WASF3: variants seen among roughly 807,000 people sequenced by gnomAD.
WASF3 encodes WASP family member 3, also known as actin-binding protein WASF3.
Under a neutral mutation model 46.6 loss-of-function variants are expected in WASF3, and 11 were observed. The ratio of observed to expected loss-of-function variants is 0.24; its 90% CI spans 0.15 to 0.39. The LOEUF is 0.39. Ranked by LOEUF, WASF3 falls within the 10% of genes least tolerant of loss-of-function variation. The pLI is 1.00. For synonymous variants in WASF3, 242 were observed against 259.7 expected (o/e 0.93, Z 0.65); for missense variants, 576 against 669.8 (o/e 0.86, Z 1.55).
chr13:26,626,908 AATT>A (rs1188141765), intron 2 of WASF3, among the ~76,000 whole-genome samples: 2 of 152,198 alleles, frequency 1.3e-5, no homozygotes, highest in East Asian at 1.9e-4. Context: ...ACAAATACAC[AATT>A]ATTGTTGACG....
At chr13:26,559,301 C>T (rs959405768) in intron 1 of WASF3, among the ~76,000 whole-genome samples, 2 of 152,202 alleles carry the variant, frequency 1.3e-5, no homozygotes, top group Non-Finnish European at 2.9e-5. Context: ...TTATATTTAC[C>T]TTCCAACCTG....
intron 2 of WASF3, among the ~76,000 whole-genome samples, chr13:26,617,687 A>T (rs1293585977): frequency 1.3e-5 from 2 of 152,162 alleles, no homozygotes; most frequent in Non-Finnish European, 2.9e-5. Context: ...AAATGAGCTA[A>T]TATATGTAAA....
At chr13:26,674,411 C>G (rs979550115) in intron 6 of WASF3, among the ~76,000 whole-genome samples, 3 of 152,052 alleles carry the variant, frequency 2.0e-5, no homozygotes, top group African/African-American at 7.2e-5. Flanking sequence ...CCACTTTTTT[C>G]CTTTGGTTTT....
intron 2 of WASF3, among the ~76,000 whole-genome samples, chr13:26,629,090 G>A (rs1881570425): frequency 6.6e-6 from 1 of 152,222 alleles, no homozygotes; most frequent in Admixed American, 6.5e-5. Flanking sequence ...CACGCTCGAC[G>A]TCCTTCACTG....
intron 2 of WASF3, among the ~76,000 whole-genome samples, chr13:26,632,299 G>T (rs1162687999): frequency 6.6e-6 from 1 of 152,154 alleles, no homozygotes; most frequent in Non-Finnish European, 1.5e-5. Flanking sequence ...TATGATATTG[G>T]CTGTGGGTTT....
At chr13:26,678,235 G>T (rs1443341590) in intron 7 of WASF3, among the ~76,000 whole-genome samples, 1 of 151,876 alleles carries the variant, frequency 6.6e-6, no homozygotes, top group Non-Finnish European at 1.5e-5. Flanking sequence ...CATTGTATTG[G>T]ATTATAACCC....
At chr13:26,651,904 A>T (rs1214695124) in intron 3 of WASF3, among the ~76,000 whole-genome samples, 1 of 152,344 alleles carries the variant, frequency 6.6e-6, no homozygotes, top group East Asian at 1.9e-4. Flanking sequence ...AGTTAAGGGT[A>T]CATAGTATAA....
At chr13:26,551,984 A>G in the WASF3 span, among the ~76,000 whole-genome samples, 1 of 152,182 alleles carries the variant, frequency 6.6e-6, no homozygotes, top group Non-Finnish European at 1.5e-5. Flanking sequence ...ATGGTGGTGA[A>G]CTCAGCTTGG....
At chr13:26,601,816 C>A (rs1031695393) in intron 1 of WASF3, among the ~76,000 whole-genome samples, 1 of 152,202 alleles carries the variant, frequency 6.6e-6, no homozygotes, top group African/African-American at 2.4e-5. Flanking sequence ...CAGATCAGTG[C>A]TGCCACCTAA....
At chr13:26,656,561 C>A (rs1170083806) in intron 3 of WASF3, among the ~76,000 whole-genome samples, 1 of 151,868 alleles carries the variant, frequency 6.6e-6, no homozygotes, top group Non-Finnish European at 1.5e-5. Flanking sequence ...AATTGTTTTT[C>A]CCCCACCAAG....
At chr13:26,540,479 C>T in the WASF3 span, among the ~76,000 whole-genome samples, 1 of 152,162 alleles carries the variant, frequency 6.6e-6, no homozygotes. Context: ...CTCACAACCT[C>T]ATTCTCTGGA....
At chr13:26,545,942 A>G in the WASF3 span, among the ~76,000 whole-genome samples, 38 of 152,314 alleles carry the variant, frequency 2.5e-4, no homozygotes, top group African/African-American at 8.7e-4. Context: ...TTTCAGTCTT[A>G]ATGTGGTTTA....
At chr13:26,545,743 T>TAC in the WASF3 span, among the ~76,000 whole-genome samples, 1 of 152,192 alleles carries the variant, frequency 6.6e-6, no homozygotes, top group African/African-American at 2.4e-5. Flanking sequence ...TAACTGGGAC[T>TAC]ACAGGTGCAT....
chr13:26,664,192 G>T (rs1317800728), intron 3 of WASF3, among the ~76,000 whole-genome samples: 4 of 152,160 alleles, frequency 2.6e-5, no homozygotes, highest in African/African-American at 9.7e-5. Context: ...GGAGGTTCAG[G>T]TTCTCTCTCT....
At chr13:26,606,276 A>G (rs958913751) in intron 1 of WASF3, among the ~76,000 whole-genome samples, 1 of 151,808 alleles carries the variant, frequency 6.6e-6, no homozygotes, top group African/African-American at 2.4e-5. Flanking sequence ...CAAGTTCTCC[A>G]TCTGGAGCTG....
rs554688343 is a variant in WASF3 at position 26,637,522 on chromosome 13, G to A, written c.-10-4739G>A. Reference sequence around the variant, plus strand: ...TCCAATTCAGATGGTGGCGAAGACTGCTTTGTACCCACTAGGAAGGCCCTG... The same window carrying A: ...TCCAATTCAGATGGTGGCGAAGACTACTTTGTACCCACTAGGAAGGCCCTG... On this transcript the variant is annotated intron_variant, in intron 2 of 9. Coordinates refer to ENST00000335327, the MANE Select transcript of WASF3 (RefSeq NM_006646.6). 4.6e-5 allele frequency among the ~76,000 whole-genome samples: 7 copies of A among 152,348 alleles called. No individual in the cohort carries two copies. In the South Asian group the frequency reaches 1.5e-3, roughly 32 times the overall value.
At position 26,680,166 on chromosome 13, in the gene WASF3, G is replaced by C. The variant is rs373691157; in HGVS notation, c.717-888G>C. On this transcript the variant is annotated intron_variant, in intron 7 of 9. Transcript: ENST00000335327. ...TGAGTGACGCAAAGAAACTGGAGCA[G>C]GCAGGGAGCGCCAAAGAGGACAGAG... 1.2e-3 allele frequency: 1,906 copies of C among 1,594,152 alleles called. 2 individuals carry two copies. The highest frequency in any genetic ancestry group is 1.4e-3 in the Non-Finnish European group (1,685 of 1,177,796).
intron 1 of WASF3, among the ~76,000 whole-genome samples, chr13:26,580,186 T>G (rs983834804): frequency 6.6e-6 from 1 of 152,172 alleles, no homozygotes; most frequent in Admixed American, 6.5e-5. Flanking sequence ...ATTAAGACAA[T>G]TCTTACTGTG....
intron 1 of WASF3, among the ~76,000 whole-genome samples, chr13:26,583,881 A>G (rs1880054644): frequency 6.6e-6 from 1 of 152,184 alleles, no homozygotes; most frequent in Non-Finnish European, 1.5e-5. Flanking sequence ...AAGTAGCCCA[A>G]AAAGGTTTGC....
Sources: gnomAD v4.1 joint callset for allele counts (sites outside exome capture counted in the v4.1 genomes callset) on GRCh38, gnomAD v4.1.1 for gene constraint, MANE v1.5 for transcripts, NCBI Gene and HGNC (gene_info 2026-07-23, HGNC 2026-07-21) for gene names.